ZC3H4: variants seen among roughly 807,000 people sequenced by gnomAD.
ZC3H4 encodes zinc finger CCCH domain-containing protein 4.
ZC3H4 carries 13 observed loss-of-function variants against 108.3 expected under a neutral mutation model. The ratio of observed to expected loss-of-function variants is 0.12; its 90% CI spans 0.08 to 0.19. The LOEUF (loss-of-function observed/expected upper bound fraction) is 0.19. Among genes scored for constraint, ZC3H4 ranks in the 10% least tolerant of loss-of-function variants. The pLI is 1.00. For missense variants in ZC3H4, 1,734 were observed against 1,838.8 expected, an observed-to-expected ratio of 0.94 and a Z score of 1.04; for synonymous variants, 917 against 749.6, an observed-to-expected ratio of 1.22 and a Z score of -3.65.
chr19:47,073,301 G>A (rs964760554), intron 11 of ZC3H4, among the ~76,000 whole-genome samples: 9 of 152,008 alleles, frequency 5.9e-5, no homozygotes, highest in Non-Finnish European at 1.3e-4. Flanking sequence ...CAGACGTGGT[G>A]GCTCATGCTT....
intron 1 of ZC3H4, chr19:47,113,493 G>A (rs2058066243): frequency 6.5e-6 from 1 of 152,902 alleles, no homozygotes; most frequent in South Asian, 2.0e-4. Flanking sequence ...TGGGTGGCAG[G>A]AGGTGGAAAC....
intron 11 of ZC3H4, among the ~76,000 whole-genome samples, chr19:47,074,611 C>T (rs2057385776): frequency 6.6e-6 from 1 of 152,234 alleles, no homozygotes; most frequent in Admixed American, 6.5e-5. Flanking sequence ...GAGGGGCTCA[C>T]TGCATCTAAA....
intron 14 of ZC3H4, among the ~76,000 whole-genome samples, 183 bp downstream of exon 14, chr19:47,068,909 C>A (rs1179676408): frequency 6.6e-6 from 1 of 152,194 alleles, no homozygotes; most frequent in Non-Finnish European, 1.5e-5. Flanking sequence ...AAAGCCACCC[C>A]TGACTGCCAG....
intron 5 of ZC3H4, among the ~76,000 whole-genome samples, chr19:47,087,034 C>T (rs977425912): frequency 1.3e-5 from 2 of 150,790 alleles, no homozygotes; most frequent in Admixed American, 6.6e-5. Flanking sequence ...CCAGCACTCT[C>T]GGAGGCTGAG....
chr19:47,091,219 C>CA (rs1220682563), intron 4 of ZC3H4, among the ~76,000 whole-genome samples: 4 of 152,028 alleles, frequency 2.6e-5, no homozygotes, highest in African/African-American at 9.7e-5. Flanking sequence ...TTGTAGTGAG[C>CA]AGAGACTGCA....
intron 2 of ZC3H4, among the ~76,000 whole-genome samples, chr19:47,101,743 C>T (rs1194592731): frequency 2.0e-5 from 3 of 151,528 alleles, no homozygotes; most frequent in African/African-American, 4.8e-5. Flanking sequence ...TGGTGGCGCA[C>T]GACTGTAATC....
At chr19:47,092,591 C>T (rs1202977863) in intron 4 of ZC3H4, among the ~76,000 whole-genome samples, 4 of 151,762 alleles carry the variant, frequency 2.6e-5, no homozygotes, top group Admixed American at 1.3e-4. Context: ...CCAAGGCGGG[C>T]GGGTCACCTG....
intron 10 of ZC3H4, 24 bp downstream of exon 10, chr19:47,082,160 C>A: frequency 6.3e-7 from 1 of 1,591,492 alleles, no homozygotes. Context: ...CTCATTCAGA[C>A]CAGATGCTGG....
intron 9 of ZC3H4, among the ~76,000 whole-genome samples, chr19:47,083,651 G>A (rs185168914): frequency 3.3e-5 from 5 of 152,222 alleles, no homozygotes; most frequent in African/African-American, 9.6e-5. Flanking sequence ...GGAGGTTGCA[G>A]TGAGCCGAGA....
At chr19:47,105,519 G>T (rs888683446) in intron 2 of ZC3H4, among the ~76,000 whole-genome samples, 2 of 152,178 alleles carry the variant, frequency 1.3e-5, no homozygotes, top group African/African-American at 4.8e-5. Context: ...AGAATCCCTT[G>T]AACCAGGAGG....
At chr19:47,111,378 A>G (rs1340443386) in intron 2 of ZC3H4, among the ~76,000 whole-genome samples, 1 of 152,110 alleles carries the variant, frequency 6.6e-6, no homozygotes, top group Non-Finnish European at 1.5e-5. Flanking sequence ...CGGACTTAAT[A>G]AAGAGAAGGG....
At chr19:47,095,605 C>T (rs2057807667) in intron 2 of ZC3H4, among the ~76,000 whole-genome samples, 1 of 152,106 alleles carries the variant, frequency 6.6e-6, no homozygotes, top group Non-Finnish European at 1.5e-5. Context: ...CAGACACTGC[C>T]CAGTGGACAT....
rs368136475 is a variant in ZC3H4, at chr19:47,066,665, T to C, written c.3603A>G (p.Thr1201=). 1.7e-4 allele frequency: 267 copies of C among 1,611,582 alleles called. No individual in the cohort carries two copies. Among genetic ancestry groups the C allele is most frequent in the Middle Eastern group, 9.9e-4 (6 of 6,078 alleles). Reference sequence around the variant, plus strand: ...TGCCCCCATCAGCACCGGCCTTCCCTGTCTCTGGCTGTTCCAGGGCAGACT... The same window carrying C: ...TGCCCCCATCAGCACCGGCCTTCCCCGTCTCTGGCTGTTCCAGGGCAGACT... The part of the protein sequence containing the change: ...VRKSALEQPE[T]GKAGADGGTP... Residue 1201 remains threonine, a synonymous_variant, in exon 15 of 15, where the codon ACA becomes ACG. Transcript: ENST00000253048.
At chr19:47,085,218 A>G in intron 7 of ZC3H4, 23 bp from the exon 8 acceptor site, 1 of 1,590,764 alleles carries the variant, frequency 6.3e-7, no homozygotes, top group East Asian at 2.3e-5. Context: ...GATTGTGTGA[A>G]GACCTGCTGA....
At position 47,071,770 on chromosome 19, in the gene ZC3H4, C is replaced by G; in HGVS notation, c.2146+8G>C. The G allele has an allele frequency of 6.3e-7, 1 of 1,596,878 alleles. No homozygotes were observed. Among genetic ancestry groups the G allele is most frequent in the Non-Finnish European group, 8.5e-7 (1 of 1,172,886 alleles). Reference sequence around the variant, plus strand: ...GCCCCAGGCAGCCACACCTGGAGTCCCGCATACCTGCATCCCCCAGGAGTC... The same window carrying G: ...GCCCCAGGCAGCCACACCTGGAGTCGCGCATACCTGCATCCCCCAGGAGTC... On this transcript the variant is annotated splice_region_variant and intron_variant, in intron 13 of 14. Coordinates refer to ENST00000253048, the MANE Select transcript of ZC3H4 (RefSeq NM_015168.2).
intron 2 of ZC3H4, among the ~76,000 whole-genome samples, chr19:47,100,050 C>T (rs1040068682): frequency 6.6e-6 from 1 of 152,094 alleles, no homozygotes; most frequent in Admixed American, 6.6e-5. Context: ...AAGGAGGCGC[C>T]GCCTCTTCAA....
At chr19:47,112,669 C>A (rs937096141) in intron 1 of ZC3H4, 80 bp from the exon 2 acceptor site, 6 of 923,884 alleles carry the variant, frequency 6.5e-6, no homozygotes, top group Non-Finnish European at 8.5e-6. Context: ...GCTCGGAGGG[C>A]TCCTGATGGG....
intron 4 of ZC3H4, chr19:47,093,748 A>T: frequency 2.2e-6 from 1 of 447,756 alleles, no homozygotes; most frequent in Non-Finnish European, 4.0e-6. Context: ...TGCCTGGTTA[A>T]TTTTTTTATT....
Position 47,067,862 on chromosome 19 carries a change from GGTGTCA to G in ZC3H4, c.2400_2405del (p.Asp801_Thr802del). On this transcript the variant is annotated inframe_deletion and splice_region_variant, in exon 15 of 15. Coordinates refer to ENST00000253048, the MANE Select transcript of ZC3H4 (RefSeq NM_015168.2). This position sits in a 1 kb window ranked among gnomAD's most constrained non-coding sequence, Gnocchi z 6.4. The stretch of plus-strand genomic sequence containing the variant: ...CCTCATCACTTGAGTACCAGTTTCC[GGTGTCA>G]CCTGGGAAAGAACAGAGGAGCAGGG... 1 of 1,589,496 alleles carries G rather than the reference GGTGTCA, an allele frequency of 6.3e-7. No individual in the cohort carries two copies. The highest frequency in any genetic ancestry group is 1.7e-4 in the Middle Eastern group (1 of 5,970).
Sources: allele counts gnomAD v4.1 joint callset (sites outside exome capture counted in the v4.1 genomes callset), GRCh38; gene constraint gnomAD v4.1.1; non-coding constraint Gnocchi (gnomAD v3.1); transcripts MANE v1.5; gene names NCBI Gene and HGNC (gene_info 2026-07-23, HGNC 2026-07-21).